NHSL3: variants seen among roughly 807,000 people sequenced by gnomAD.
NHSL3 encodes NHS like 3, also known as NHS-like protein 3.
At chr1:32,768,028 G>T in the NHSL3 span, 4 of 1,613,292 alleles carry the variant, frequency 2.5e-6, no homozygotes, top group East Asian at 8.9e-5. Context: ...AAGGTCAGGG[G>T]CCTAACCCAA....
At chr1:32,759,425 G>T in the NHSL3 span, among the ~76,000 whole-genome samples, 5 of 152,170 alleles carry the variant, frequency 3.3e-5, no homozygotes, top group Non-Finnish European at 5.9e-5. Flanking sequence ...TGGCTGAAAG[G>T]GATTATTATG....
the NHSL3 span, among the ~76,000 whole-genome samples, chr1:32,766,778 G>T: frequency 6.6e-6 from 1 of 152,190 alleles, no homozygotes; most frequent in Non-Finnish European, 1.5e-5. Flanking sequence ...TTAAAGGGGG[G>T]GCTGGGGCTG....
the NHSL3 span, among the ~76,000 whole-genome samples, chr1:32,751,579 A>C: frequency 7.9e-5 from 12 of 152,194 alleles, no homozygotes; most frequent in Non-Finnish European, 1.8e-4. Context: ...GGGTGTGATC[A>C]GTACTATATC....
chr1:32,748,067 G>A, the NHSL3 span, among the ~76,000 whole-genome samples: 1 of 152,144 alleles, frequency 6.6e-6, no homozygotes, highest in East Asian at 1.9e-4. Flanking sequence ...CTGTGATCAC[G>A]CCATTGCACT....
chr1:32,768,687 C>T, the NHSL3 span: 52 of 1,614,026 alleles, frequency 3.2e-5, no homozygotes, highest in Non-Finnish European at 4.2e-5. Flanking sequence ...ACAACATCTC[C>T]TTCTGCAGTC....
At chr1:32,753,184 G>A in the NHSL3 span, among the ~76,000 whole-genome samples, 1 of 150,260 alleles carries the variant, frequency 6.7e-6, no homozygotes, top group Non-Finnish European at 1.5e-5. Flanking sequence ...GGCCAGGCTG[G>A]TTAAAAAAAT....
the NHSL3 span, chr1:32,765,846 G>C: frequency 6.5e-6 from 10 of 1,542,742 alleles, no homozygotes; most frequent in Non-Finnish European, 6.1e-6. Flanking sequence ...GTGTGGCTTG[G>C]GGGGAGGGGA....
At chr1:32,744,544 G>C in the NHSL3 span, among the ~76,000 whole-genome samples, 2 of 152,214 alleles carry the variant, frequency 1.3e-5, no homozygotes, top group African/African-American at 4.8e-5. Flanking sequence ...AGCAGGTAAG[G>C]CTTGAAGATC....
chr1:32,770,166 AGGAG>A, the NHSL3 span: 2 of 1,597,316 alleles, frequency 1.3e-6, no homozygotes, highest in South Asian at 2.2e-5. The surrounding 1 kb of genome is among the most constrained non-coding windows in gnomAD (Gnocchi z 8.3). Flanking sequence ...CTGGATTGAC[AGGAG>A]GGGCAGGGCC....
chr1:32,746,706 C>T, the NHSL3 span, among the ~76,000 whole-genome samples: 2 of 152,088 alleles, frequency 1.3e-5, no homozygotes, highest in South Asian at 4.1e-4. Flanking sequence ...AGGCAAGGTC[C>T]CCATCTATGT....
At chr1:32,774,118 A>C in the NHSL3 span, 4 of 152,704 alleles carry the variant, frequency 2.6e-5, no homozygotes, top group African/African-American at 9.7e-5. Context: ...TGTCTAGGCA[A>C]GCTGGCTTCC....
the NHSL3 span, chr1:32,770,279 T>C: frequency 1.2e-6 from 2 of 1,605,262 alleles, no homozygotes; most frequent in Non-Finnish European, 1.7e-6. The surrounding 1 kb of genome is among the most constrained non-coding windows in gnomAD (Gnocchi z 8.3). Context: ...GTGGACGTGG[T>C]GGCCCTAGGC....
At chr1:32,770,246 C>T in the NHSL3 span, 2 of 1,603,640 alleles carry the variant, frequency 1.2e-6, no homozygotes, top group Non-Finnish European at 1.7e-6. This position sits in a 1 kb window ranked among gnomAD's most constrained non-coding sequence, Gnocchi z 8.3. Context: ...AAGTTGATTC[C>T]ACATGCTGTG....
the NHSL3 span, among the ~76,000 whole-genome samples, chr1:32,752,692 C>G: frequency 5.3e-5 from 8 of 151,606 alleles, no homozygotes; most frequent in African/African-American, 1.9e-4. Context: ...ATCCTCCCAC[C>G]TCAGCCTCCC....
the NHSL3 span, among the ~76,000 whole-genome samples, chr1:32,758,016 G>A: frequency 6.6e-6 from 1 of 152,174 alleles, no homozygotes; most frequent in Admixed American, 6.5e-5. Context: ...CAAGTGGGAA[G>A]GGGAAATCAA....
the NHSL3 span, among the ~76,000 whole-genome samples, chr1:32,758,765 C>G: frequency 6.6e-6 from 1 of 152,104 alleles, no homozygotes; most frequent in Non-Finnish European, 1.5e-5. Flanking sequence ...GATGAAGAAA[C>G]TGAGGCCCAG....
At chr1:32,746,600 C>CAATTTATTT in the NHSL3 span, among the ~76,000 whole-genome samples, 2 of 152,106 alleles carry the variant, frequency 1.3e-5, no homozygotes, top group Non-Finnish European at 2.9e-5. Context: ...GTAAGTAGCC[C>CAATTTATTT]GAGGTCACTC....
At chr1:32,759,506 T>TC in the NHSL3 span, among the ~76,000 whole-genome samples, 6 of 152,238 alleles carry the variant, frequency 3.9e-5, no homozygotes, top group Admixed American at 2.6e-4. Flanking sequence ...AGCTAATTCC[T>TC]CCGTGCACTA....
At chr1:32,765,706 GC>G in the NHSL3 span, 1 of 1,542,576 alleles carries the variant, frequency 6.5e-7, no homozygotes, top group Non-Finnish European at 8.7e-7. Context: ...GTGAAGGTAC[GC>G]CCCGCGCTCT....
Sources: gnomAD v4.1 joint callset for allele counts (sites outside exome capture counted in the v4.1 genomes callset) on GRCh38, gnomAD v4.1.1 for gene constraint, Gnocchi (gnomAD v3.1) non-coding constraint, MANE v1.5 for transcripts, NCBI Gene and HGNC (gene_info 2026-07-23, HGNC 2026-07-21) for gene names.